The following EML6 variants were observed in gnomAD, a reference collection of about 807,000 sequenced individuals.
EML6 encodes the protein echinoderm microtubule-associated protein-like 6.
EML6 carries 154 observed loss-of-function variants against 240.1 expected under a neutral mutation model. The ratio of observed to expected loss-of-function variants is 0.64; its 90% CI spans 0.56 to 0.73. The LOEUF is 0.73. EML6 is among the 30% of genes least tolerant of loss of function. The probability of loss-of-function intolerance (pLI) is 0.00; values close to 1 mark genes in which losing one functional copy is unlikely to be tolerated. For synonymous variants in EML6, 1,148 were observed against 899.0 expected (o/e 1.28, Z -4.95); for missense variants, 2,964 against 2,474.6 (o/e 1.20, Z -4.20).
intron 2 of EML6, among the ~76,000 whole-genome samples, chr2:54,797,177 A>AC (rs1198972467): frequency 6.0e-5 from 8 of 132,758 alleles, no homozygotes; most frequent in African/African-American, 2.0e-4. Context: ...AAAAAAAAAA[A>AC]AAAAAAAAAA....
At position 54,725,304 on chromosome 2, in the gene EML6, C is replaced by T; in HGVS notation, c.197+46C>T. The stretch of plus-strand genomic sequence containing the variant: ...GGCGGGGAGGGGTTGCGTGTGGAGG[C>T]TGGGAAGGTGGGAAGCGGTTGACCT... On this transcript the variant is annotated intron_variant, in intron 2 of 41. Transcript: ENST00000356458. This position sits in a 1 kb window ranked among gnomAD's most constrained non-coding sequence, Gnocchi z 4.3. 1 of 1,351,434 alleles carries T rather than the reference C, an allele frequency of 7.4e-7. No individual in the cohort carries two copies. Among genetic ancestry groups the T allele is most frequent in the Non-Finnish European group, 9.7e-7 (1 of 1,028,656 alleles). 83.7% of individuals were successfully genotyped at this position (1,351,434 alleles called of 1,614,324 possible). A position where few individuals can be genotyped will look rare whatever the true frequency, so the allele number is the denominator to read the frequency against.
intron 26 of EML6, 47 bp from the exon 27 acceptor site, chr2:54,928,266 A>G: frequency 7.1e-7 from 1 of 1,408,902 alleles, no homozygotes; most frequent in African/African-American, 1.4e-5. Context: ...GAGCCCAGAG[A>G]AAGGAATAAC....
chr2:54,944,176 C>T (rs991031572), intron 28 of EML6, among the ~76,000 whole-genome samples: 6 of 152,140 alleles, frequency 3.9e-5, no homozygotes, highest in African/African-American at 1.4e-4. Context: ...AGGGTCATGT[C>T]ACTGACTCCC....
At chr2:54,867,619 A>G (rs549171954) in intron 14 of EML6, 1 of 152,256 alleles carries the variant, frequency 6.6e-6, no homozygotes, top group Non-Finnish European at 1.5e-5. Flanking sequence ...GGTGGCGTGT[A>G]CCTCTAGTCC....
At chr2:54,762,103 G>A (rs990411762) in intron 2 of EML6, among the ~76,000 whole-genome samples, 1 of 152,076 alleles carries the variant, frequency 6.6e-6, no homozygotes, top group Admixed American at 6.5e-5. Flanking sequence ...ATAATGTATT[G>A]CATTTCATTT....
At chr2:54,819,656 G>T (rs1357694247) in intron 4 of EML6, among the ~76,000 whole-genome samples, 1 of 151,532 alleles carries the variant, frequency 6.6e-6, no homozygotes, top group Non-Finnish European at 1.5e-5. Flanking sequence ...CGCGCCTGTA[G>T]TCCCAGCTAC....
In EML6 at chr2:54,962,676, G is replaced by A. The variant is rs868703404; in HGVS notation, c.5122G>A (p.Asp1708Asn). 2.0e-6 allele frequency: 3 copies of A among 1,527,340 alleles called. No individual in the cohort carries two copies. The highest frequency in any genetic ancestry group is 2.6e-6 in the Non-Finnish European group (3 of 1,134,978). The allele number at this position is 1,527,340 out of a possible 1,614,324, so 94.6% of individuals were successfully genotyped here. ...GGACCTCTTCATCTCTGCCAGCAAC[G>A]ATGGCACAGCCCGGATCTGGGACCT... ...SKDLFISASN[D>N]GTARIWDLAD... The change falls in exon 36 of 42, where the codon GAT becomes AAT. Residue 1708 changes from aspartate (D) to asparagine (N), a missense_variant. Coordinates refer to ENST00000356458, the MANE Select transcript of EML6 (RefSeq NM_001039753.4).
intron 2 of EML6, among the ~76,000 whole-genome samples, chr2:54,762,604 G>C (rs377338326): frequency 6.6e-6 from 1 of 151,960 alleles, no homozygotes; most frequent in East Asian, 1.9e-4. Context: ...TTTATTAGTT[G>C]ACATTCTGCT....
At chr2:54,913,579 C>G (rs1437028011) in intron 25 of EML6, among the ~76,000 whole-genome samples, 1 of 152,090 alleles carries the variant, frequency 6.6e-6, no homozygotes, top group Non-Finnish European at 1.5e-5. Flanking sequence ...TTTGCAAATA[C>G]TTTCTCCCAT....
Position 54,950,603 on chromosome 2 carries a change from C to T in EML6, c.4084-47C>T, listed in dbSNP as rs536160705. On this transcript the variant is annotated intron_variant, in intron 29 of 41. Transcript: ENST00000356458. Reference sequence around the variant, plus strand: ...CAATGTGGGTGTGTTCCTCGGCTCTCCCTTCCTTCCTCTGAGGGTCACATT... The same window carrying T: ...CAATGTGGGTGTGTTCCTCGGCTCTTCCTTCCTTCCTCTGAGGGTCACATT... The T allele has an allele frequency of 4.5e-6, 7 of 1,547,154 alleles. No homozygotes were observed. The South Asian group carries it at 7.2e-5, about 16-fold the overall frequency.
chr2:54,836,821 T>C lies in EML6; in HGVS notation c.848-7226T>C, dbSNP rs559591772. Among the ~76,000 whole-genome samples the C allele has an allele frequency of 5.3e-5, 8 of 152,298 alleles. No individual in the cohort carries two copies. The South Asian group carries it at 1.2e-3, about 24-fold the overall frequency. On this transcript the variant is annotated intron_variant, in intron 7 of 41. Transcript: ENST00000356458. ...TGTTTTGCACTGGGCTCCAAAATCATTGGTGTTTATGAATCCCTGGGGAGA... is the reference window on the plus strand; with the variant it reads ...TGTTTTGCACTGGGCTCCAAAATCACTGGTGTTTATGAATCCCTGGGGAGA...
chr2:54,868,997 T>C lies in EML6; in HGVS notation c.2052-184T>C, dbSNP rs1308765441. On this transcript the variant is annotated intron_variant, in intron 14 of 41. Transcript: ENST00000356458. ...CAATGTTCAGTGCCCATGTGCCTTT[T>C]TGAGAGTCATCTCATGCCCTCAGAC... The C allele has an allele frequency of 7.4e-5, 38 of 511,314 alleles. No individual in the cohort carries two copies. In the Admixed American group the frequency reaches 9.3e-4, roughly 13 times the overall value. 31.7% of individuals were successfully genotyped at this position (511,314 alleles called of 1,614,324 possible).
At chr2:54,756,270 C>CT (rs1667726128) in intron 2 of EML6, among the ~76,000 whole-genome samples, 1 of 152,124 alleles carries the variant, frequency 6.6e-6, no homozygotes, top group Non-Finnish European at 1.5e-5. Flanking sequence ...ATTCCTCCTG[C>CT]TTTGGTTTGT....
chr2:54,797,177 A>AAAAAAAACAAAAAAAC (rs1553380377), intron 2 of EML6, among the ~76,000 whole-genome samples: 1 of 132,688 alleles, frequency 7.5e-6, no homozygotes, highest in Non-Finnish European at 1.6e-5. Context: ...AAAAAAAAAA[A>AAAAAAAACAAAAAAAC]AAAAAAAAAA....
chr2:54,828,901 A>G (rs1286420556), intron 6 of EML6, among the ~76,000 whole-genome samples: 1 of 152,160 alleles, frequency 6.6e-6, no homozygotes, highest in African/African-American at 2.4e-5. Context: ...GAGCTCACTG[A>G]GGTACATTTT....
rs1672956235 is a variant in EML6 at position 54,899,711 on chromosome 2, A to T, written c.3053A>T (p.Asp1018Val). 6.4e-7 allele frequency: 1 copy of T among 1,552,304 alleles called. No homozygotes were observed. The highest frequency in any genetic ancestry group is 2.0e-5 in the Admixed American group (1 of 51,016). Reference protein sequence around the residue: ...PLLPICATVSDDKTLRIWELS... With the variant: ...PLLPICATVSVDKTLRIWELS... Reference sequence around the variant, plus strand: ...CTGCCCATCTGTGCAACAGTGAGCGATGATAAAACACTTCGCATCTGGGAA... The same window carrying T: ...CTGCCCATCTGTGCAACAGTGAGCGTTGATAAAACACTTCGCATCTGGGAA... The change falls in exon 22 of 42, where the codon GAT becomes GTT. Residue 1018 changes from aspartate (D) to valine (V), a missense_variant. Physicochemically the swap from Asp to Val is radical, Grantham distance 152 (BLOSUM62 -3). Transcript: ENST00000356458.
At chr2:54,757,703 C>A (rs1033824462) in intron 2 of EML6, among the ~76,000 whole-genome samples, 1 of 152,112 alleles carries the variant, frequency 6.6e-6, no homozygotes, top group Non-Finnish European at 1.5e-5. Context: ...TTCACCCCCT[C>A]CCTCCACTCC....
At chr2:54,917,358 G>GTTTTTTTTTTTTTTTTTTTTTTT (rs147785699) in intron 26 of EML6, among the ~76,000 whole-genome samples, 1 of 123,820 alleles carries the variant, frequency 8.1e-6, no homozygotes, top group Admixed American at 8.8e-5. Context: ...TTTTTTTTTT[G>GTTTTTTTTTTTTTTTTTTTTTTT]TTTTTTTTTT....
rs372796981 is a variant in EML6 at position 54,917,855 on chromosome 2, C to G, written c.3675+920C>G. Among the ~76,000 whole-genome samples, 5 of 152,152 alleles carry G rather than the reference C, an allele frequency of 3.3e-5. No individual in the cohort carries two copies. The East Asian group carries it at 7.7e-4, about 23-fold the overall frequency. ...AGCTGTCCCCTCCCTTAAGCACAGT[C>G]CAGTTTATCAATTCTTCCTTCAACT... On this transcript the variant is annotated intron_variant, in intron 26 of 41. Transcript: ENST00000356458.
Sources: allele counts gnomAD v4.1 joint callset (sites outside exome capture counted in the v4.1 genomes callset), GRCh38; gene constraint gnomAD v4.1.1; non-coding constraint Gnocchi (gnomAD v3.1); transcripts MANE v1.5; gene names NCBI Gene and HGNC (gene_info 2026-07-23, HGNC 2026-07-21).